The following ZBTB10 variants were observed in gnomAD, a reference collection of about 807,000 sequenced individuals.
The protein encoded by ZBTB10 is zinc finger and BTB domain containing 10, also known as zinc finger and BTB domain-containing protein 10.
A neutral mutation model predicts 76.4 loss-of-function variants in ZBTB10; 32 were observed. That is an observed-to-expected ratio of 0.42 (90% CI 0.32 to 0.56). The LOEUF is 0.56. Ranked by LOEUF, ZBTB10 falls within the 20% of genes least tolerant of loss-of-function variation. The pLI is 0.14. For missense variants in ZBTB10, 1,057 were observed against 1,098.5 expected (o/e 0.96, Z 0.53); for synonymous variants, 523 against 432.9 (o/e 1.21, Z -2.58).
intron 2 of ZBTB10, among the ~76,000 whole-genome samples, chr8:80,513,628 A>C (rs983813790): frequency 6.6e-6 from 1 of 152,226 alleles, no homozygotes; most frequent in South Asian, 2.1e-4. Context: ...ATATAGGTGG[A>C]TGTAAATTAG....
At chr8:80,505,842 G>A (rs901769945) in intron 2 of ZBTB10, among the ~76,000 whole-genome samples, 7 of 150,974 alleles carry the variant, frequency 4.6e-5, no homozygotes, top group African/African-American at 1.5e-4. Flanking sequence ...TGATTCTCCC[G>A]CCTCACTCTC....
intron 3 of ZBTB10, among the ~76,000 whole-genome samples, chr8:80,514,265 A>G (rs1017546122): frequency 6.6e-6 from 1 of 152,224 alleles, no homozygotes; most frequent in Non-Finnish European, 1.5e-5. Context: ...AATATGGCTT[A>G]TGGCTTCCTG....
intron 1 of ZBTB10, among the ~76,000 whole-genome samples, chr8:80,495,597 C>A (rs1228995939): frequency 6.6e-6 from 1 of 151,944 alleles, no homozygotes; most frequent in Non-Finnish European, 1.5e-5. Flanking sequence ...AGAGTCTTAC[C>A]CACTAACAGT....
At chr8:80,510,639 A>AGTGTGTGTGTGT (rs58749656) in intron 2 of ZBTB10, among the ~76,000 whole-genome samples, 3 of 125,786 alleles carry the variant, frequency 2.4e-5, no homozygotes, top group East Asian at 2.1e-4. Flanking sequence ...TTGTGAAACC[A>AGTGTGTGTGTGT]GTGTGTGTGT....
chr8:80,495,406 G>A (rs1217709430), intron 1 of ZBTB10, among the ~76,000 whole-genome samples: 1 of 148,514 alleles, frequency 6.7e-6, no homozygotes, highest in Non-Finnish European at 1.5e-5. Context: ...CTGGGTTTTT[G>A]TTTTGTTGTT....
chr8:80,505,764 T>C (rs931466426), intron 2 of ZBTB10, among the ~76,000 whole-genome samples: 1 of 152,062 alleles, frequency 6.6e-6, no homozygotes, highest in African/African-American at 2.4e-5. Flanking sequence ...AGAGTCTTGC[T>C]CTGTCACCCA....
At chr8:80,513,355 C>T (rs1291032704) in intron 2 of ZBTB10, among the ~76,000 whole-genome samples, 3 of 152,082 alleles carry the variant, frequency 2.0e-5, no homozygotes, top group Admixed American at 6.5e-5. Context: ...GTTGACCAGG[C>T]TGATCTCAAA....
At chr8:80,503,502 T>C (rs1280228179) in intron 2 of ZBTB10, among the ~76,000 whole-genome samples, 1 of 149,734 alleles carries the variant, frequency 6.7e-6, no homozygotes, top group Non-Finnish European at 1.5e-5. Flanking sequence ...TAATTTATTA[T>C]TTATTTATTT....
intron 2 of ZBTB10, among the ~76,000 whole-genome samples, chr8:80,503,953 C>A (rs1815987734): frequency 6.6e-6 from 1 of 152,194 alleles, no homozygotes; most frequent in Admixed American, 6.5e-5. Context: ...TGAATACACA[C>A]AATTTACTCT....
chr8:80,500,515 C>A, intron 2 of ZBTB10, 133 bp downstream of exon 2: 1 of 913,544 alleles, frequency 1.1e-6, no homozygotes, highest in Non-Finnish European at 1.6e-6. Flanking sequence ...GAAGGGGGAA[C>A]GTCATTCAAA....
Position 80,519,213 on chromosome 8 carries a change from C to T in ZBTB10, c.2311-10C>T, listed in dbSNP as rs748049318. ...TATCCTTATATTGGATTTTTTCCCC[C>T]TCCAATTAGGTGCATAAAAAGGATA... On this transcript the variant is annotated splice_polypyrimidine_tract_variant and intron_variant, in intron 5 of 5. Transcript: ENST00000455036. 5.6e-6 allele frequency: 9 copies of T among 1,608,196 alleles called. No individual in the cohort carries two copies. The highest frequency in any genetic ancestry group is 7.6e-6 in the Non-Finnish European group (9 of 1,176,866).
intron 1 of ZBTB10, among the ~76,000 whole-genome samples, chr8:80,489,973 C>G (rs1815581092): frequency 6.6e-6 from 1 of 152,168 alleles, no homozygotes; most frequent in Admixed American, 6.5e-5. Flanking sequence ...TATATAAATA[C>G]CTGTTTGTCT....
At chr8:80,496,877 C>A (rs1449046198) in intron 1 of ZBTB10, among the ~76,000 whole-genome samples, 1 of 152,162 alleles carries the variant, frequency 6.6e-6, no homozygotes, top group Non-Finnish European at 1.5e-5. Context: ...AATATTCATA[C>A]AATATTCATG....
chr8:80,508,369 C>T (rs1585855167), intron 2 of ZBTB10, among the ~76,000 whole-genome samples: 1 of 152,126 alleles, frequency 6.6e-6, no homozygotes, highest in South Asian at 2.1e-4. Context: ...AATGTTATAA[C>T]TTTCTGGGAA....
At chr8:80,492,425 A>G (rs1815654635) in intron 1 of ZBTB10, among the ~76,000 whole-genome samples, 2 of 152,184 alleles carry the variant, frequency 1.3e-5, no homozygotes, top group South Asian at 4.1e-4. Context: ...AGAGACAGAC[A>G]TGACCGAAAA....
In ZBTB10 at chr8:80,514,010, T is replaced by C; in HGVS notation, c.1960+2T>C. 6.2e-7 allele frequency: 1 copy of C among 1,612,488 alleles called. No homozygotes were observed. Among genetic ancestry groups the C allele is most frequent in the Non-Finnish European group, 8.5e-7 (1 of 1,179,088 alleles). ...CTAGTCAAGATGGAGGTGATGCTGG[T>C]AGGTACAGTAAGATTTTAGCAACAG... On this transcript the variant is annotated splice_donor_variant, in intron 3 of 5. Transcript: ENST00000455036. LOFTEE classifies it high-confidence loss of function.
chr8:80,523,340 T>G lies in ZBTB10; in HGVS notation c.*3812T>G, dbSNP rs528536879. The G allele has an allele frequency of 6.6e-6, 1 of 152,136 alleles. No homozygotes were observed. The highest frequency in any genetic ancestry group is 2.1e-4 in the South Asian group (1 of 4,822). 9.4% of individuals were successfully genotyped at this position (152,136 alleles called of 1,614,324 possible). A position where few individuals can be genotyped will look rare whatever the true frequency, so the allele number is the denominator to read the frequency against. ...AGACAGCTGTGTTTAGAATTTTGAG[T>G]GTCTTTCCTCCCCCCAATAAATTTC... On this transcript the variant is annotated 3_prime_UTR_variant, in exon 6 of 6. Coordinates refer to ENST00000455036, the MANE Select transcript of ZBTB10 (RefSeq NM_001105539.3).
rs1030580678 is a variant in ZBTB10 at position 80,519,885 on chromosome 8, T to C, written c.*357T>C. The C allele has an allele frequency of 5.9e-6, 1 of 170,636 alleles. No homozygotes were observed. The highest frequency in any genetic ancestry group is 1.3e-5 in the Non-Finnish European group (1 of 77,690). 10.6% of individuals were successfully genotyped at this position (170,636 alleles called of 1,614,324 possible). ...TTAACATGAATGGAGAAAATCCGTT[T>C]ATGGAAGTACAGTGACAATTGACCC... On this transcript the variant is annotated 3_prime_UTR_variant, in exon 6 of 6. Coordinates refer to ENST00000455036, the MANE Select transcript of ZBTB10 (RefSeq NM_001105539.3).
At chr8:80,506,659 T>C (rs2131501403) in intron 2 of ZBTB10, among the ~76,000 whole-genome samples, 1 of 150,430 alleles carries the variant, frequency 6.6e-6, no homozygotes, top group East Asian at 2.0e-4. Context: ...TGTATAAATA[T>C]TAGTGTTTTG....
Sources: gnomAD v4.1 joint callset for allele counts (sites outside exome capture counted in the v4.1 genomes callset) on GRCh38, gnomAD v4.1.1 for gene constraint, MANE v1.5 for transcripts, NCBI Gene and HGNC (gene_info 2026-07-23, HGNC 2026-07-21) for gene names.